PCNX1: variants seen among roughly 807,000 people sequenced by gnomAD.
The protein encoded by PCNX1 is pecanex-like protein 1.
In PCNX1, 78 loss-of-function variants were observed where a neutral mutation model predicts 242.2. The ratio of observed to expected loss-of-function variants is 0.32; its 90% CI spans 0.27 to 0.39. The LOEUF is 0.39. Among genes scored for constraint, PCNX1 ranks in the 10% least tolerant of loss-of-function variants. The pLI is 1.00. For missense variants in PCNX1, 2,581 were observed against 2,856.5 expected, an observed-to-expected ratio of 0.90 and a Z score of 2.20; for synonymous variants, 1,024 against 1,032.9, an observed-to-expected ratio of 0.99 and a Z score of 0.17.
chr14:70,932,823 G>T (rs1022712718), intron 1 of PCNX1, among the ~76,000 whole-genome samples: 3 of 151,912 alleles, frequency 2.0e-5, no homozygotes, highest in Non-Finnish European at 4.4e-5. Flanking sequence ...TGTTGGTCAG[G>T]CTGGTCTCGA....
At chr14:71,067,266 A>G (rs1487686573) in intron 26 of PCNX1, among the ~76,000 whole-genome samples, 2 of 152,126 alleles carry the variant, frequency 1.3e-5, no homozygotes, top group Non-Finnish European at 2.9e-5. Context: ...TTGGTAGGCT[A>G]TTAATTACTG....
At chr14:71,019,205 G>C (rs1258674854) in intron 12 of PCNX1, 43 bp downstream of exon 12, 12 of 1,487,378 alleles carry the variant, frequency 8.1e-6, no homozygotes, top group Non-Finnish European at 1.0e-5. Context: ...TTATATTTGT[G>C]TTAAAAGGCA....
intron 11 of PCNX1, 23 bp from the exon 12 acceptor site, chr14:71,018,986 C>A (rs1157558785): frequency 1.3e-6 from 2 of 1,591,260 alleles, no homozygotes; most frequent in East Asian, 2.3e-5. Flanking sequence ...GATATACTTA[C>A]CCATAAGTTT....
rs78341282 is a variant in PCNX1 at position 70,950,370 on chromosome 14, T to C, written c.362+3247T>C. Among the ~76,000 whole-genome samples, 325 of 152,276 alleles carry C rather than the reference T, an allele frequency of 2.1e-3. 3 individuals are homozygous for C. The East Asian group carries it at 0.03, about 14-fold the overall frequency. On this transcript the variant is annotated intron_variant, in intron 2 of 35. Transcript: ENST00000304743. ...TATTCTGTGATATTATGTTTAATGA[T>C]GCACAGTATCTCATTATGCCAATGT...
At chr14:71,059,703 T>A (rs918556993) in intron 26 of PCNX1, among the ~76,000 whole-genome samples, 1 of 152,158 alleles carries the variant, frequency 6.6e-6, no homozygotes, top group Non-Finnish European at 1.5e-5. Context: ...GGGATTTTTT[T>A]AAAGACACAT....
intron 5 of PCNX1, chr14:70,970,005 T>C (rs2058492690): frequency 4.6e-5 from 2 of 43,356 alleles, no homozygotes; most frequent in Non-Finnish European, 1.6e-4. Context: ...TACAGGTACA[T>C]ATGTATGTAT....
chr14:71,092,953 G>C (rs1266584411), intron 30 of PCNX1: 1 of 152,146 alleles, frequency 6.6e-6, no homozygotes, highest in African/African-American at 2.4e-5. Context: ...TTTGATATTG[G>C]ACAATGCCTG....
chr14:70,993,147 G>T lies in PCNX1; in HGVS notation c.2445-2594G>T, dbSNP rs545548656. Among the ~76,000 whole-genome samples the T allele has an allele frequency of 4.3e-4, 63 of 147,144 alleles. 1 individual carries two copies. The South Asian group carries it at 0.013, about 31-fold the overall frequency. ...TAATTTTTTTTTTTTTTGAGACAGA[G>T]TCTTGCTCTGTTGCCCAGGCTGGAG... On this transcript the variant is annotated intron_variant, in intron 7 of 35. Transcript: ENST00000304743.
chr14:71,112,821 A>G lies in PCNX1; in HGVS notation c.*2886A>G. The G allele has an allele frequency of 6.6e-6, 1 of 152,170 alleles. No homozygotes were observed. The highest frequency in any genetic ancestry group is 1.9e-4 in the East Asian group (1 of 5,198). The allele number at this position is 152,170 out of a possible 1,614,324, so 9.4% of individuals were successfully genotyped here. ...CATTTCCTTTTGGTGGAGTTGTATGATTGAAAACTTTGCTTTTTCTTGTTT... is the reference window on the plus strand; with the variant it reads ...CATTTCCTTTTGGTGGAGTTGTATGGTTGAAAACTTTGCTTTTTCTTGTTT... On this transcript the variant is annotated 3_prime_UTR_variant, in exon 36 of 36. Coordinates refer to ENST00000304743, the MANE Select transcript of PCNX1 (RefSeq NM_014982.3).
intron 1 of PCNX1, among the ~76,000 whole-genome samples, chr14:70,908,325 G>A (rs1594855934): frequency 6.6e-6 from 1 of 152,124 alleles, no homozygotes; most frequent in Non-Finnish European, 1.5e-5. Context: ...GGGGCCCCCC[G>A]CCCGTGGGGC....
At chr14:70,938,024 T>C (rs1566589768) in intron 1 of PCNX1, among the ~76,000 whole-genome samples, 1 of 152,214 alleles carries the variant, frequency 6.6e-6, no homozygotes, top group African/African-American at 2.4e-5. Flanking sequence ...CTTAAGGAGA[T>C]TTTGGGCTCA....
intron 26 of PCNX1, 69 bp downstream of exon 26, chr14:71,057,793 T>A: frequency 9.6e-7 from 1 of 1,040,142 alleles, no homozygotes; most frequent in Non-Finnish European, 1.5e-6. Context: ...CATGTTTCTA[T>A]CTCAAACCAG....
At chr14:70,962,188 A>G in intron 2 of PCNX1, 38 bp from the exon 3 acceptor site, 2 of 1,198,476 alleles carry the variant, frequency 1.7e-6, no homozygotes. Flanking sequence ...GAGTCAGAAT[A>G]ATGACAGTTA....
At chr14:71,088,619 T>C in intron 29 of PCNX1, among the ~76,000 whole-genome samples, 189 bp downstream of exon 29, 1 of 152,348 alleles carries the variant, frequency 6.6e-6, no homozygotes, top group Middle Eastern at 3.4e-3. Flanking sequence ...AACTGGTTTT[T>C]AAAATTCACA....
In PCNX1 at chr14:71,068,591, C is replaced by CATGTGT. The variant is rs375921556; in HGVS notation, c.4853-4954_4853-4953insATGTGT. ...GACTTTTTAGGTTTGTATGTACGTG[C>CATGTGT]GTGTGTGTGTGTGTGTGTGTGTGTG... On this transcript the variant is annotated intron_variant, in intron 26 of 35. Coordinates refer to ENST00000304743, the MANE Select transcript of PCNX1 (RefSeq NM_014982.3). Among the ~76,000 whole-genome samples the CATGTGT allele has an allele frequency of 8.1e-5, 10 of 124,022 alleles. No homozygotes were observed. In the East Asian group the frequency reaches 1.1e-3, roughly 14 times the overall value. The allele number at this position is 124,022 out of a possible 152,430, so 81.4% of individuals were successfully genotyped here.
In PCNX1 at chr14:71,031,545, G is replaced by A. The variant is rs945127658; in HGVS notation, c.3559-1884G>A. The A allele has an allele frequency of 3.9e-5, 17 of 438,416 alleles. No individual in the cohort carries two copies. In the East Asian group the frequency reaches 8.6e-4, roughly 22 times the overall value. 27.2% of individuals were successfully genotyped at this position (438,416 alleles called of 1,614,324 possible). On this transcript the variant is annotated intron_variant, in intron 16 of 35. Coordinates refer to ENST00000304743, the MANE Select transcript of PCNX1 (RefSeq NM_014982.3). ...GCCCCACAGGACAGCACACAAGAAT[G>A]CCCCAACTTCAACAACCTCCTGAGA...
chr14:71,098,850 G>A (rs934827107), intron 30 of PCNX1, among the ~76,000 whole-genome samples: 1 of 151,998 alleles, frequency 6.6e-6, no homozygotes, highest in Non-Finnish European at 1.5e-5. Context: ...GAATAGGAGT[G>A]GTGAGAGTGG....
At chr14:71,082,698 T>C (rs1231776549) in intron 28 of PCNX1, among the ~76,000 whole-genome samples, 2 of 152,172 alleles carry the variant, frequency 1.3e-5, no homozygotes, top group African/African-American at 4.8e-5. Flanking sequence ...TTCCATTCAC[T>C]TGGTAAATAT....
chr14:71,051,644 A>T lies in PCNX1; in HGVS notation c.4448-239A>T, dbSNP rs535068139. 3.9e-5 allele frequency among the ~76,000 whole-genome samples: 6 copies of T among 152,332 alleles called. No homozygotes were observed. In the South Asian group the frequency reaches 1.2e-3, roughly 32 times the overall value. On this transcript the variant is annotated intron_variant, in intron 23 of 35. Transcript: ENST00000304743. The stretch of plus-strand genomic sequence containing the variant: ...TTAATATATGAATTTTACCAAATAC[A>T]TATTAGCAAATACTGATTTGGCTCC...
Sources: gnomAD v4.1 joint callset for allele counts (sites outside exome capture counted in the v4.1 genomes callset) on GRCh38, gnomAD v4.1.1 for gene constraint, MANE v1.5 for transcripts, NCBI Gene and HGNC (gene_info 2026-07-23, HGNC 2026-07-21) for gene names.